The following SUPT3H variants were observed in gnomAD, a reference collection of about 807,000 sequenced individuals.
SUPT3H encodes transcription initiation protein SPT3 homolog.
A neutral mutation model predicts 44.3 loss-of-function variants in SUPT3H; 44 were observed. The ratio of observed to expected loss-of-function variants is 0.99; its 90% CI spans 0.78 to 1.28. The LOEUF (loss-of-function observed/expected upper bound fraction) is 1.28, where lower values mean the gene tolerates loss of function less well. SUPT3H is among the 50% of genes most tolerant of loss of function. The probability of loss-of-function intolerance (pLI) is 0.00; values close to 1 mark genes in which losing one functional copy is unlikely to be tolerated. For synonymous variants in SUPT3H, 124 were observed against 125.6 expected, an observed-to-expected ratio of 0.99 and a Z score of 0.09; for missense variants, 380 against 387.1, an observed-to-expected ratio of 0.98 and a Z score of 0.15.
At chr6:45,214,291 A>G (rs1020718324) in intron 2 of SUPT3H, among the ~76,000 whole-genome samples, 2 of 152,118 alleles carry the variant, frequency 1.3e-5, no homozygotes, top group African/African-American at 2.4e-5. Context: ...AAAAATGAAG[A>G]AAAAGCAAAA....
At chr6:45,050,776 T>G (rs1790153173) in intron 3 of SUPT3H, among the ~76,000 whole-genome samples, 1 of 152,048 alleles carries the variant, frequency 6.6e-6, no homozygotes, top group Non-Finnish European at 1.5e-5. Context: ...GTTAAGTTTA[T>G]ATATTGGCTA....
chr6:45,097,005 A>G (rs561496097), intron 3 of SUPT3H, among the ~76,000 whole-genome samples: 69 of 152,322 alleles, frequency 4.5e-4, no homozygotes, highest in Non-Finnish European at 7.9e-4. Context: ...TAGGACAAAG[A>G]GAGTGTAGTA....
chr6:45,037,653 G>A (rs985025535), intron 3 of SUPT3H, among the ~76,000 whole-genome samples: 1 of 151,034 alleles, frequency 6.6e-6, no homozygotes, highest in Non-Finnish European at 1.5e-5. Context: ...GACAGAGCGA[G>A]ACTCCATATT....
At chr6:44,955,101 A>G (rs557311949) in intron 7 of SUPT3H, 3 of 159,040 alleles carry the variant, frequency 1.9e-5, no homozygotes, top group African/African-American at 7.2e-5. Flanking sequence ...AATGGCACAT[A>G]GCAGGCAGGA....
intron 4 of SUPT3H, among the ~76,000 whole-genome samples, chr6:45,015,705 T>C (rs1784145233): frequency 6.6e-6 from 1 of 152,052 alleles, no homozygotes; most frequent in Non-Finnish European, 1.5e-5. Flanking sequence ...GTTTTTCCTT[T>C]ATATCCTTAT....
chr6:44,974,552 T>C (rs1230894771), intron 6 of SUPT3H, among the ~76,000 whole-genome samples: 1 of 152,196 alleles, frequency 6.6e-6, no homozygotes, highest in African/African-American at 2.4e-5. Context: ...ATTGTGCTTC[T>C]GGTTTCAAAA....
chr6:45,305,714 A>T (rs181195788), intron 2 of SUPT3H, among the ~76,000 whole-genome samples: 230 of 152,316 alleles, frequency 1.5e-3, no homozygotes, highest in African/African-American at 5.3e-3. Context: ...GACATCACCA[A>T]CGACAGAGTA....
At chr6:45,356,403 T>G (rs945623739) in intron 2 of SUPT3H, among the ~76,000 whole-genome samples, 5 of 151,972 alleles carry the variant, frequency 3.3e-5, no homozygotes, top group Non-Finnish European at 7.4e-5. Flanking sequence ...CATTTCTTTT[T>G]TTTTCTTTTT....
intron 10 of SUPT3H, among the ~76,000 whole-genome samples, chr6:44,922,559 A>G (rs1320588902): frequency 6.6e-6 from 1 of 152,194 alleles, no homozygotes; most frequent in Non-Finnish European, 1.5e-5. Context: ...TATCAATAAA[A>G]CAGTATACAA....
intron 2 of SUPT3H, among the ~76,000 whole-genome samples, chr6:45,218,900 C>T (rs546786506): frequency 6.6e-6 from 1 of 152,194 alleles, no homozygotes; most frequent in Admixed American, 6.5e-5. Flanking sequence ...CAACATATTT[C>T]AAAGAGTTAA....
intron 2 of SUPT3H, among the ~76,000 whole-genome samples, chr6:45,336,878 A>G (rs1416804030): frequency 6.6e-6 from 1 of 151,578 alleles, no homozygotes; most frequent in East Asian, 1.9e-4. Context: ...TTTGATCCAG[A>G]AACATCTTAA....
At chr6:45,001,222 T>C (rs1781963319) in intron 6 of SUPT3H, among the ~76,000 whole-genome samples, 1 of 152,020 alleles carries the variant, frequency 6.6e-6, no homozygotes, top group African/African-American at 2.4e-5. Flanking sequence ...GAAGCTATAG[T>C]TGTATGTATT....
intron 2 of SUPT3H, among the ~76,000 whole-genome samples, chr6:45,162,968 G>T (rs1333913210): frequency 2.6e-5 from 4 of 152,126 alleles, no homozygotes; most frequent in Admixed American, 2.0e-4. Flanking sequence ...TGTAGGGTGT[G>T]AAGTGACAAT....
intron 3 of SUPT3H, among the ~76,000 whole-genome samples, chr6:45,055,640 T>C (rs1193054494): frequency 1.3e-5 from 2 of 152,094 alleles, no homozygotes. Flanking sequence ...TGAAACTGGA[T>C]CCTTATCTCT....
At chr6:45,019,387 C>T (rs1041799783) in intron 4 of SUPT3H, among the ~76,000 whole-genome samples, 3 of 151,954 alleles carry the variant, frequency 2.0e-5, no homozygotes, top group Admixed American at 6.6e-5. Context: ...TTGCCTTCTG[C>T]TAGCTTTTGA....
chr6:44,938,062 A>G (rs1696470630), intron 9 of SUPT3H, among the ~76,000 whole-genome samples: 1 of 150,862 alleles, frequency 6.6e-6, no homozygotes, highest in Admixed American at 6.6e-5. Context: ...TTTTCCATGC[A>G]GAAGCTTTTT....
chr6:45,167,077 T>TG (rs1467783056), intron 2 of SUPT3H, among the ~76,000 whole-genome samples: 1 of 152,190 alleles, frequency 6.6e-6, no homozygotes, highest in Admixed American at 6.5e-5. Context: ...GCCTTAACTT[T>TG]GAATTGCCAG....
At chr6:45,119,132 A>G (rs1801249623) in intron 2 of SUPT3H, among the ~76,000 whole-genome samples, 1 of 152,158 alleles carries the variant, frequency 6.6e-6, no homozygotes, top group Non-Finnish European at 1.5e-5. Context: ...GAGGTTTCAC[A>G]ATGTTTTGTT....
chr6:44,987,509 C>T (rs1234789555), intron 6 of SUPT3H, among the ~76,000 whole-genome samples: 1 of 151,810 alleles, frequency 6.6e-6, no homozygotes, highest in Non-Finnish European at 1.5e-5. Context: ...GAGAATTGAC[C>T]AATGTATTTG....
Sources: gnomAD v4.1 joint callset for allele counts (sites outside exome capture counted in the v4.1 genomes callset) on GRCh38, gnomAD v4.1.1 for gene constraint, MANE v1.5 for transcripts, NCBI Gene and HGNC (gene_info 2026-07-23, HGNC 2026-07-21) for gene names.